Variants in ZFYVE1 observed in about 807,000 individuals in gnomAD.
ZFYVE1 encodes zinc finger FYVE domain-containing protein 1.
A neutral mutation model predicts 74.4 loss-of-function variants in ZFYVE1; 30 were observed. The observed-to-expected ratio is 0.40, with a 90% confidence interval of 0.30 to 0.55. The LOEUF is 0.55. Among genes scored for constraint, ZFYVE1 ranks in the 20% least tolerant of loss-of-function variants. The pLI is 0.42. For synonymous variants in ZFYVE1, 335 were observed against 385.1 expected (o/e 0.87, Z 1.52); for missense variants, 703 against 1,011.6 (o/e 0.69, Z 4.14).
chr14:73,026,301 T>A (rs1894459364), intron 1 of ZFYVE1, among the ~76,000 whole-genome samples: 1 of 152,174 alleles, frequency 6.6e-6, no homozygotes. Flanking sequence ...AGAAAGGGGC[T>A]TTTGTCACTT....
intron 2 of ZFYVE1, among the ~76,000 whole-genome samples, chr14:73,007,591 T>C (rs925944006): frequency 6.6e-5 from 10 of 151,930 alleles, no homozygotes; most frequent in Non-Finnish European, 1.3e-4. Context: ...CCCAGGCTGG[T>C]CTTGAACTCC....
chr14:73,014,562 A>C (rs1053789111), intron 2 of ZFYVE1, among the ~76,000 whole-genome samples: 3 of 152,242 alleles, frequency 2.0e-5, no homozygotes, highest in Non-Finnish European at 4.4e-5. Flanking sequence ...TTTATATGAC[A>C]CCTAAGAAAC....
intron 2 of ZFYVE1, among the ~76,000 whole-genome samples, chr14:73,008,294 G>A (rs1023406303): frequency 6.6e-6 from 1 of 152,146 alleles, no homozygotes; most frequent in Non-Finnish European, 1.5e-5. Flanking sequence ...TAAGTAGCTG[G>A]GATTACAGGC....
In ZFYVE1 at chr14:72,975,584, G is replaced by A. The variant is rs1230709653; in HGVS notation, c.1773C>T (p.Ala591=). ...AVTSWLTDQI[A]PAYWRPNSQI... ...GGGAGTTGGGCCTCCAGTAGGCAGG[G>A]GCGATCTGGTCTGTCAGCCAGGAAG... Residue 591 remains alanine, a synonymous_variant, in exon 9 of 12, where the codon GCC becomes GCT. Coordinates refer to ENST00000556143, the MANE Select transcript of ZFYVE1 (RefSeq NM_021260.4). The surrounding 1 kb of genome is among the most constrained non-coding windows in gnomAD (Gnocchi z 4.1). The A allele has an allele frequency of 1.2e-6, 2 of 1,613,998 alleles. No homozygotes were observed. The highest frequency in any genetic ancestry group is 2.2e-5 in the East Asian group (1 of 44,872).
Position 72,997,823 on chromosome 14 carries a change from G to C in ZFYVE1, c.976C>G (p.Leu326Val). ...IIFHETVHTQ[L>V]LGSDHPSEVP... ...CCCCATCTCTCACCAGAGCCCAGTA[G>C]CTGGGTGTGCACGGTCTCATGGAAG... Residue 326 changes from leucine to valine, a missense_variant, in exon 3 of 12, where the codon CTA becomes GTA. Coordinates refer to ENST00000556143, the MANE Select transcript of ZFYVE1 (RefSeq NM_021260.4). 1.9e-6 allele frequency: 3 copies of C among 1,591,000 alleles called. No homozygotes were observed. Among genetic ancestry groups the C allele is most frequent in the Non-Finnish European group, 2.6e-6 (3 of 1,162,634 alleles).
chr14:73,000,981 C>T (rs1480092002), intron 2 of ZFYVE1, among the ~76,000 whole-genome samples: 1 of 152,210 alleles, frequency 6.6e-6, no homozygotes, highest in Non-Finnish European at 1.5e-5. Flanking sequence ...CTTACTTTGA[C>T]CTGACTTGGC....
chr14:73,022,313 T>C (rs777483689), intron 2 of ZFYVE1, among the ~76,000 whole-genome samples: 1 of 152,196 alleles, frequency 6.6e-6, no homozygotes, highest in Non-Finnish European at 1.5e-5. Context: ...TTCCATCAGC[T>C]TTATCCAAGA....
rs768318785 is a variant in ZFYVE1, at chr14:72,978,016, C to T, written c.1546G>A (p.Val516Met). ...GYVIECPNCG[V>M]VYRSRQYWFG... The stretch of plus-strand genomic sequence containing the variant: ...CAGTACTGCCGACTACGATAGACCA[C>T]GCCACAGTTAGGACATTCGATCACA... The change falls in exon 8 of 12, where the codon GTG (valine) becomes ATG (methionine). Residue 516 changes from valine (V) to methionine (M), a missense_variant. By Grantham distance (21) the Val-to-Met change is conservative. This residue lies in a region of ZFYVE1 where 492 missense variants were observed against 790.0 expected (regional missense o/e 0.62). Coordinates refer to ENST00000556143, the MANE Select transcript of ZFYVE1 (RefSeq NM_021260.4). 17 of 1,614,076 alleles carry T rather than the reference C, an allele frequency of 1.1e-5. No individual in the cohort carries two copies. The highest frequency in any genetic ancestry group is 1.3e-5 in the Non-Finnish European group (15 of 1,180,056).
chr14:72,980,677 C>T (rs1287776214), intron 5 of ZFYVE1, among the ~76,000 whole-genome samples: 1 of 152,104 alleles, frequency 6.6e-6, no homozygotes, highest in Non-Finnish European at 1.5e-5. Context: ...ACGCCATTCT[C>T]CTGCCTCAGC....
At position 72,970,578 on chromosome 14, in the gene ZFYVE1, T is replaced by G; in HGVS notation, c.*304A>C. 2.9e-6 allele frequency: 1 copy of G among 342,210 alleles called. No individual in the cohort carries two copies. The highest frequency in any genetic ancestry group is 5.4e-6 in the Non-Finnish European group (1 of 184,862). 21.2% of individuals were successfully genotyped at this position (342,210 alleles called of 1,614,324 possible). A position where few individuals can be genotyped will look rare whatever the true frequency, so the allele number is the denominator to read the frequency against. ...AGCAGCAGCCTCGATACGCCCCGAG[T>G]GCCTTTCATATGTATATATGAGAGA... On this transcript the variant is annotated 3_prime_UTR_variant, in exon 12 of 12. Transcript: ENST00000556143.
chr14:72,997,306 T>C (rs1264856942), intron 3 of ZFYVE1, among the ~76,000 whole-genome samples: 1 of 152,258 alleles, frequency 6.6e-6, no homozygotes, highest in Non-Finnish European at 1.5e-5. Flanking sequence ...ACAATCTCAT[T>C]GTTCTTCTTT....
intron 11 of ZFYVE1, among the ~76,000 whole-genome samples, chr14:72,972,742 C>G (rs1457291833): frequency 1.3e-5 from 2 of 149,438 alleles, no homozygotes; most frequent in Admixed American, 1.3e-4. Context: ...GAGTCTCGCT[C>G]TGTTGCCCAG....
Position 72,975,784 on chromosome 14 carries a change from G to C in ZFYVE1, c.1636-63C>G, listed in dbSNP as rs542156570. 1.6e-5 allele frequency: 25 copies of C among 1,580,090 alleles called. No homozygotes were observed. The East Asian group carries it at 5.6e-4, about 35-fold the overall frequency. ...AGGGAGTGAAAGGAAGGAGGAAGAGGGATGTTTGGTGAGTTGCACACTCAC... is the reference window on the plus strand; with the variant it reads ...AGGGAGTGAAAGGAAGGAGGAAGAGCGATGTTTGGTGAGTTGCACACTCAC... On this transcript the variant is annotated intron_variant, in intron 8 of 11. Coordinates refer to ENST00000556143, the MANE Select transcript of ZFYVE1 (RefSeq NM_021260.4). The surrounding 1 kb of genome is among the most constrained non-coding windows in gnomAD (Gnocchi z 4.1).
intron 2 of ZFYVE1, among the ~76,000 whole-genome samples, chr14:73,021,876 G>A (rs1020520590): frequency 6.6e-6 from 1 of 151,874 alleles, no homozygotes; most frequent in African/African-American, 2.4e-5. Context: ...TCTCAACTAA[G>A]GAACACATAT....
At chr14:73,010,595 C>T (rs549436378) in intron 2 of ZFYVE1, among the ~76,000 whole-genome samples, 4 of 146,868 alleles carry the variant, frequency 2.7e-5, no homozygotes, top group South Asian at 2.2e-4. Flanking sequence ...AGTGAAACTC[C>T]GTCTCAAAAA....
chr14:72,987,913 G>C (rs2140357386), intron 4 of ZFYVE1, among the ~76,000 whole-genome samples: 1 of 152,326 alleles, frequency 6.6e-6, no homozygotes, highest in South Asian at 2.1e-4. Flanking sequence ...AGGAGGAATA[G>C]AGAAACCACT....
At chr14:72,978,824 C>T in intron 6 of ZFYVE1, 37 bp downstream of exon 6, 1 of 1,566,592 alleles carries the variant, frequency 6.4e-7, no homozygotes, top group East Asian at 2.2e-5. Context: ...GGTCAGCAAG[C>T]CCGCTGCTGA....
intron 4 of ZFYVE1, among the ~76,000 whole-genome samples, chr14:72,985,473 G>A (rs1025276220): frequency 3.9e-5 from 6 of 151,920 alleles, no homozygotes; most frequent in Non-Finnish European, 5.9e-5. Context: ...CTGGGATTAC[G>A]GGCCCCTACC....
In ZFYVE1 at chr14:73,006,267, A is replaced by G. The variant is rs146461241; in HGVS notation, c.484-7952T>C. On this transcript the variant is annotated intron_variant, in intron 2 of 11. Coordinates refer to ENST00000556143, the MANE Select transcript of ZFYVE1 (RefSeq NM_021260.4). ...GCTTTAGAGCTGGCTCTTAGTAACT[A>G]TCTAATATTGTACTAATCTTTACGA... is the stretch of plus-strand genomic sequence containing the variant. 1.1e-3 allele frequency among the ~76,000 whole-genome samples: 170 copies of G among 151,504 alleles called. 1 individual carries two copies. The highest frequency in any genetic ancestry group is 2.8e-3 in the Admixed American group (43 of 15,216).
Sources: gnomAD v4.1 joint callset for allele counts (sites outside exome capture counted in the v4.1 genomes callset) on GRCh38, gnomAD v4.1.1 for gene constraint, gnomAD v4.1.1 regional missense constraint, Gnocchi (gnomAD v3.1) non-coding constraint, MANE v1.5 for transcripts, NCBI Gene and HGNC (gene_info 2026-07-23, HGNC 2026-07-21) for gene names.